The following ITGBL1 variants were observed in gnomAD, a reference collection of about 807,000 sequenced individuals.
ITGBL1 encodes the protein integrin beta-like protein 1.
In ITGBL1, 51 loss-of-function variants were observed where a neutral mutation model predicts 68.5. That is an observed-to-expected ratio of 0.74 (90% confidence interval 0.59 to 0.94). The LOEUF (loss-of-function observed/expected upper bound fraction) is 0.94, where lower values mean the gene tolerates loss of function less well. Ranked by LOEUF, ITGBL1 falls within the 40% of genes least tolerant of loss-of-function variation. The pLI, the probability that ITGBL1 is intolerant of heterozygous loss-of-function variation, is 0.00. For synonymous variants in ITGBL1, 209 were observed against 227.3 expected, an observed-to-expected ratio of 0.92 and a Z score of 0.72; for missense variants, 649 against 647.4, an observed-to-expected ratio of 1.00 and a Z score of -0.03.
intron 8 of ITGBL1, among the ~76,000 whole-genome samples, chr13:101,702,916 TA>T (rs2139578270): frequency 6.6e-6 from 1 of 152,288 alleles, no homozygotes; most frequent in South Asian, 2.1e-4. Flanking sequence ...GATAGGGGCG[TA>T]GGGGTGCCAG....
At chr13:101,546,418 A>G (rs1469410939) in intron 2 of ITGBL1, among the ~76,000 whole-genome samples, 1 of 152,208 alleles carries the variant, frequency 6.6e-6, no homozygotes, top group African/African-American at 2.4e-5. Context: ...GAAACAAATG[A>G]AAATGAACAT....
At chr13:101,653,100 C>A (rs1898201) in intron 7 of ITGBL1, among the ~76,000 whole-genome samples, 8 of 136,876 alleles carry the variant, frequency 5.8e-5, no homozygotes, top group Non-Finnish European at 9.3e-5. Flanking sequence ...GAGAAAGAAA[C>A]AAAGAAAGAA....
At chr13:101,709,674 T>C (rs1002937813) in intron 9 of ITGBL1, among the ~76,000 whole-genome samples, 27 of 152,354 alleles carry the variant, frequency 1.8e-4, no homozygotes, top group African/African-American at 6.5e-4. Context: ...CCCATACATA[T>C]TAAAACACTA....
chr13:101,680,127 G>T (rs1466539708), intron 7 of ITGBL1, among the ~76,000 whole-genome samples: 5 of 152,202 alleles, frequency 3.3e-5, no homozygotes, highest in Non-Finnish European at 7.3e-5. Flanking sequence ...ACTTTCAAAT[G>T]TCTGAAGGAA....
chr13:101,601,345 G>A (rs1302635058), intron 7 of ITGBL1, among the ~76,000 whole-genome samples: 1 of 151,904 alleles, frequency 6.6e-6, no homozygotes, highest in East Asian at 1.9e-4. Context: ...TATTAGTCTT[G>A]CTACCGGTCT....
At chr13:101,546,498 AC>A (rs1457854971) in intron 2 of ITGBL1, among the ~76,000 whole-genome samples, 1 of 152,216 alleles carries the variant, frequency 6.6e-6, no homozygotes, top group African/African-American at 2.4e-5. Context: ...GATAATGAAA[AC>A]AAACAAAAAT....
At chr13:101,649,616 G>A (rs935210819) in intron 7 of ITGBL1, among the ~76,000 whole-genome samples, 2 of 151,438 alleles carry the variant, frequency 1.3e-5, no homozygotes, top group Non-Finnish European at 1.5e-5. Flanking sequence ...ATGTCTGATC[G>A]CCTAGATGCT....
chr13:101,671,426 G>GTTTTTTTTCTT (rs2033358161), intron 7 of ITGBL1, among the ~76,000 whole-genome samples: 1 of 112,640 alleles, frequency 8.9e-6, no homozygotes, highest in Non-Finnish European at 1.8e-5. Context: ...GTATACCTTT[G>GTTTTTTTTCTT]TTTTTTTTTT....
intron 7 of ITGBL1, among the ~76,000 whole-genome samples, chr13:101,627,174 TATAAG>T (rs1255846121): frequency 1.3e-5 from 2 of 152,236 alleles, no homozygotes; most frequent in Non-Finnish European, 2.9e-5. Context: ...TAGTCTGAGT[TATAAG>T]ATTCCTCTTT....
chr13:101,527,172 A>G (rs575565863), intron 2 of ITGBL1, among the ~76,000 whole-genome samples: 7 of 152,110 alleles, frequency 4.6e-5, no homozygotes, highest in Non-Finnish European at 8.8e-5. Context: ...CCATACATGC[A>G]TGTTTGATTC....
intron 7 of ITGBL1, among the ~76,000 whole-genome samples, chr13:101,673,451 A>T (rs1186043311): frequency 6.6e-6 from 1 of 152,208 alleles, no homozygotes; most frequent in Non-Finnish European, 1.5e-5. Context: ...TTGGTTAAAT[A>T]AGGAGATATT....
At chr13:101,487,392 T>G (rs187880100) in intron 2 of ITGBL1, among the ~76,000 whole-genome samples, 2 of 152,206 alleles carry the variant, frequency 1.3e-5, no homozygotes, top group African/African-American at 4.8e-5. Context: ...ATATTGGAGG[T>G]TTACACCAAT....
At chr13:101,472,449 T>C (rs1161435937) in intron 2 of ITGBL1, among the ~76,000 whole-genome samples, 2 of 152,222 alleles carry the variant, frequency 1.3e-5, no homozygotes, top group Non-Finnish European at 2.9e-5. Flanking sequence ...TAATATTTTA[T>C]GTAGGATAAT....
At chr13:101,578,903 A>C in intron 4 of ITGBL1, among the ~76,000 whole-genome samples, 1 of 152,180 alleles carries the variant, frequency 6.6e-6, no homozygotes, top group East Asian at 1.9e-4. Context: ...TCAATAGTTG[A>C]TTTCAAATGA....
chr13:101,614,750 C>A (rs2031282125), intron 7 of ITGBL1, among the ~76,000 whole-genome samples: 1 of 152,260 alleles, frequency 6.6e-6, no homozygotes, highest in East Asian at 1.9e-4. Context: ...AAAACCATTG[C>A]ATGTTGTCCA....
Position 101,653,735 on chromosome 13 carries a change from C to T in ITGBL1, c.1016-38850C>T, listed in dbSNP as rs535682298. ...GACAGAGTCTCACTCTGTCGCCAGG[C>T]TGGAGTGCAGTGGCACAATCTCGGC... is the stretch of plus-strand genomic sequence containing the variant. On this transcript the variant is annotated intron_variant, in intron 7 of 10. Transcript: ENST00000376180. 5.9e-5 allele frequency among the ~76,000 whole-genome samples: 9 copies of T among 152,016 alleles called. No homozygotes were observed. In the South Asian group the frequency reaches 1.9e-3, roughly 32 times the overall value.
intron 7 of ITGBL1, among the ~76,000 whole-genome samples, chr13:101,625,397 G>T (rs1441603484): frequency 6.6e-6 from 1 of 152,130 alleles, no homozygotes; most frequent in Non-Finnish European, 1.5e-5. Flanking sequence ...AGCCGGCCAG[G>T]AACAAATCAT....
At chr13:101,469,811 T>C (rs1164319537) in intron 2 of ITGBL1, among the ~76,000 whole-genome samples, 2 of 152,348 alleles carry the variant, frequency 1.3e-5, no homozygotes, top group East Asian at 3.9e-4. Context: ...TAACAATCTT[T>C]TCCTTGGGAA....
chr13:101,454,228 G>A, intron 2 of ITGBL1, 128 bp downstream of exon 2: 1 of 515,016 alleles, frequency 1.9e-6, no homozygotes, highest in Non-Finnish European at 3.1e-6. Context: ...AAGTTACTGC[G>A]ATTGTCACAC....
Sources: gnomAD v4.1 joint callset for allele counts (sites outside exome capture counted in the v4.1 genomes callset) on GRCh38, gnomAD v4.1.1 for gene constraint, MANE v1.5 for transcripts, NCBI Gene and HGNC (gene_info 2026-07-23, HGNC 2026-07-21) for gene names.